The following EYS variants were observed in gnomAD, a reference collection of about 807,000 sequenced individuals.
The protein encoded by EYS is EGF-like photoreceptor maintenance factor.
EYS carries 250 observed loss-of-function variants against 282.1 expected under a neutral mutation model. That is an observed-to-expected ratio of 0.89 (90% CI 0.80 to 0.98). The LOEUF (loss-of-function observed/expected upper bound fraction) is 0.98. Among genes scored for constraint, EYS ranks in the 50% least tolerant of loss-of-function variants. The pLI is 0.00. For missense variants in EYS, 4,016 were observed against 3,709.0 expected (o/e 1.08, Z -2.15); for synonymous variants, 1,355 against 1,282.9 (o/e 1.06, Z -1.20).
At chr6:64,390,562 T>C (rs1773088168) in intron 28 of EYS, among the ~76,000 whole-genome samples, 1 of 149,590 alleles carries the variant, frequency 6.7e-6, no homozygotes, top group South Asian at 2.1e-4. Flanking sequence ...CAGCTGAGGG[T>C]CCTGACTGTT....
intron 12 of EYS, among the ~76,000 whole-genome samples, chr6:65,280,815 C>T (rs1194791896): frequency 6.7e-6 from 1 of 148,804 alleles, no homozygotes; most frequent in African/African-American, 2.5e-5. Flanking sequence ...GTCAGGAGTT[C>T]GAGACAAGCC....
chr6:64,761,430 T>A (rs1425410396), intron 22 of EYS, among the ~76,000 whole-genome samples: 5 of 152,188 alleles, frequency 3.3e-5, no homozygotes, highest in Non-Finnish European at 7.3e-5. Flanking sequence ...ATATTTGAAG[T>A]ATACATTAAG....
intron 15 of EYS, among the ~76,000 whole-genome samples, chr6:64,914,434 C>A (rs1340294145): frequency 2.0e-5 from 3 of 151,754 alleles, no homozygotes; most frequent in African/African-American, 4.9e-5. Flanking sequence ...TGAAAAAAGT[C>A]ATAGTGCTGA....
chr6:64,823,795 G>T (rs1391537375), intron 19 of EYS, among the ~76,000 whole-genome samples: 1 of 151,850 alleles, frequency 6.6e-6, no homozygotes, highest in Non-Finnish European at 1.5e-5. Flanking sequence ...TTGTGCTTCT[G>T]ATCATTACTT....
At chr6:65,564,196 C>T (rs985670975) in intron 2 of EYS, among the ~76,000 whole-genome samples, 1 of 152,032 alleles carries the variant, frequency 6.6e-6, no homozygotes, top group African/African-American at 2.4e-5. Flanking sequence ...GGCCATACTG[C>T]CCAAAGTAAT....
Position 65,248,000 on chromosome 6 carries a change from A to G in EYS, c.2023+47863T>C, listed in dbSNP as rs577779123. 1.4e-4 allele frequency among the ~76,000 whole-genome samples: 21 copies of G among 152,172 alleles called. No homozygotes were observed. The South Asian group carries it at 2.7e-3, about 20-fold the overall frequency. On this transcript the variant is annotated intron_variant, in intron 12 of 42. Transcript: ENST00000503581. ...TTAAAGACCATACATTTGTGATTTT[A>G]GATTGCTTATAATTTCCCCTACAAT... is the stretch of plus-strand genomic sequence containing the variant.
intron 2 of EYS, among the ~76,000 whole-genome samples, chr6:65,540,116 G>A (rs1166521360): frequency 1.3e-5 from 2 of 152,100 alleles, no homozygotes; most frequent in African/African-American, 2.4e-5. Context: ...TAACAGAATC[G>A]TAAATCCAGA....
chr6:64,907,537 G>T (rs1178134907), intron 16 of EYS, among the ~76,000 whole-genome samples: 4 of 152,148 alleles, frequency 2.6e-5, no homozygotes, highest in Non-Finnish European at 5.9e-5. Flanking sequence ...CCAGCTGAGA[G>T]GGATACCAGA....
At position 64,936,095 on chromosome 6, in the gene EYS, T is replaced by C. The variant is rs747916585; in HGVS notation, c.2381+9698A>G. ...AACATATACAAAGAAATATACATTA[T>C]GACCAATTGGGACATATATTAGTTC... On this transcript the variant is annotated intron_variant, in intron 15 of 42. Transcript: ENST00000503581. Among the ~76,000 whole-genome samples, 74 of 151,660 alleles carry C rather than the reference T, an allele frequency of 4.9e-4. 1 individual carries two copies. The highest frequency in any genetic ancestry group is 6.6e-4 in the Admixed American group (10 of 15,206).
In EYS at chr6:64,862,549, AG is replaced by A. The variant is rs926430247; in HGVS notation, c.2992+24147del. 5.1e-4 allele frequency among the ~76,000 whole-genome samples: 77 copies of A among 152,238 alleles called. 1 individual carries two copies. The highest frequency in any genetic ancestry group is 1.8e-3 in the African/African-American group (74 of 41,556). ...ACTCATATTATCTTTTGTTTCCCCA[AG>A]GTCTTTTAATATATTAATTATAGTT... is the stretch of plus-strand genomic sequence containing the variant. On this transcript the variant is annotated intron_variant, in intron 19 of 42. Transcript: ENST00000503581.
intron 22 of EYS, among the ~76,000 whole-genome samples, chr6:64,781,856 C>T (rs1293017870): frequency 6.6e-6 from 1 of 152,216 alleles, no homozygotes; most frequent in East Asian, 1.9e-4. Context: ...TGTTTAACTA[C>T]TGTGTGAAAA....
chr6:64,822,735 G>T lies in EYS; in HGVS notation c.3080C>A (p.Thr1027Asn), dbSNP rs764601850. 11 of 1,549,932 alleles carry T rather than the reference G, an allele frequency of 7.1e-6. No individual in the cohort carries two copies. The highest frequency in any genetic ancestry group is 9.6e-6 in the Non-Finnish European group (11 of 1,145,998). Residue 1027 changes from threonine (T) to asparagine (N), a missense_variant, in exon 20 of 43, where the codon ACC becomes AAC. By Grantham distance (65) the Thr-to-Asn change is moderately conservative. Transcript: ENST00000503581. ...AAAAAACCCACTCTTGCAGTCACAG[G>T]TATAATGATTGATGCCATCGATACA... is the stretch of plus-strand genomic sequence containing the variant. ...GVCIDGINHY[T>N]CDCKSGFFGT...
chr6:65,488,056 C>A (rs1348133083), intron 5 of EYS, among the ~76,000 whole-genome samples: 1 of 151,672 alleles, frequency 6.6e-6, no homozygotes, highest in Non-Finnish European at 1.5e-5. Context: ...CTATTTAATT[C>A]TTCTCTCTTT....
chr6:64,852,667 T>C (rs902091586), intron 19 of EYS, among the ~76,000 whole-genome samples: 13 of 152,272 alleles, frequency 8.5e-5, no homozygotes, highest in Middle Eastern at 3.4e-3. Context: ...GTCCATTGAC[T>C]GATGTCTTTA....
At chr6:64,203,692 T>A (rs1364296423) in intron 31 of EYS, among the ~76,000 whole-genome samples, 1 of 152,084 alleles carries the variant, frequency 6.6e-6, no homozygotes, top group African/African-American at 2.4e-5. Flanking sequence ...GATTGTATGT[T>A]AAAAATACAG....
intron 5 of EYS, among the ~76,000 whole-genome samples, chr6:65,430,322 A>G (rs1286785501): frequency 6.6e-6 from 1 of 152,152 alleles, no homozygotes; most frequent in Non-Finnish European, 1.5e-5. Context: ...CTCATCTGAC[A>G]CCTGCCCACA....
intron 22 of EYS, among the ~76,000 whole-genome samples, chr6:64,792,523 G>A (rs1022763191): frequency 6.6e-6 from 1 of 151,936 alleles, no homozygotes; most frequent in African/African-American, 2.4e-5. Flanking sequence ...GCTGTGAAGA[G>A]TTAATTTTTA....
At chr6:64,158,670 TATA>T (rs1775007207) in intron 31 of EYS, among the ~76,000 whole-genome samples, 1 of 152,242 alleles carries the variant, frequency 6.6e-6, no homozygotes, top group African/African-American at 2.4e-5. Context: ...GGTCACCAAT[TATA>T]ATATCTGTCT....
At chr6:64,980,446 G>A (rs1770618144) in intron 14 of EYS, among the ~76,000 whole-genome samples, 2 of 151,412 alleles carry the variant, frequency 1.3e-5, no homozygotes, top group Admixed American at 1.3e-4. Context: ...AAATATATAT[G>A]TCTTTATATG....
Sources: allele counts gnomAD v4.1 joint callset (sites outside exome capture counted in the v4.1 genomes callset), GRCh38; gene constraint gnomAD v4.1.1; transcripts MANE v1.5; gene names NCBI Gene and HGNC (gene_info 2026-07-23, HGNC 2026-07-21).